TENM2: variants seen among roughly 807,000 people sequenced by gnomAD.
The protein encoded by TENM2 is teneurin-2.
In TENM2, 52 loss-of-function variants were observed where a neutral mutation model predicts 245.2. That is an observed-to-expected ratio of 0.21 (90% CI 0.17 to 0.27). TENM2 has a LOEUF of 0.27. Among genes scored for constraint, TENM2 ranks in the 10% least tolerant of loss-of-function variants. TENM2 has a pLI of 1.00. For synonymous variants in TENM2, 1,363 were observed against 1,438.9 expected (o/e 0.95, Z 1.19); for missense variants, 3,046 against 3,666.8 (o/e 0.83, Z 4.37).
chr5:167,481,276 G>C (rs1767743172), intron 2 of TENM2, among the ~76,000 whole-genome samples: 1 of 152,128 alleles, frequency 6.6e-6, no homozygotes, highest in South Asian at 2.1e-4. Context: ...CCTGCTGCCT[G>C]TTCCTGTACA....
At chr5:167,695,721 T>G (rs1484761820) in intron 2 of TENM2, among the ~76,000 whole-genome samples, 1 of 149,044 alleles carries the variant, frequency 6.7e-6, no homozygotes, top group Non-Finnish European at 1.5e-5. Flanking sequence ...CTTAGAATGG[T>G]GATTTAAAAA....
In TENM2 at chr5:167,431,961, GTATA is replaced by G. The variant is rs112010521; in HGVS notation, c.502+56502_502+56505del. Among the ~76,000 whole-genome samples the G allele has an allele frequency of 3.9e-4, 17 of 43,584 alleles. 1 individual carries two copies. In the South Asian group the frequency reaches 5.6e-3, roughly 14 times the overall value. The allele number at this position is 43,584 out of a possible 152,430, so 28.6% of individuals were successfully genotyped here. ...TATACATATATATGTATATATATAT[GTATA>G]TATATATATATATGGAAGTTCAATG... On this transcript the variant is annotated intron_variant, in intron 2 of 28. Transcript: ENST00000518659.
intron 13 of TENM2, among the ~76,000 whole-genome samples, chr5:168,176,618 T>G (rs1014885924): frequency 1.3e-5 from 2 of 152,228 alleles, no homozygotes; most frequent in Non-Finnish European, 2.9e-5. Context: ...TTCAGAACAC[T>G]GTCACTGTAA....
At chr5:167,269,238 G>C in the TENM2 span, among the ~76,000 whole-genome samples, 1 of 151,992 alleles carries the variant, frequency 6.6e-6, no homozygotes, top group East Asian at 1.9e-4. Flanking sequence ...TGGCTCTAAG[G>C]CCTTTTAAAC....
At chr5:167,952,626 C>T in exon 4 of TENM2, 1 of 1,612,686 alleles carries the variant, frequency 6.2e-7, no homozygotes, top group Non-Finnish European at 8.5e-7. Flanking sequence ...TCTGAGGCCC[C>T]CTCTCCCACC....
At chr5:168,035,527 G>T (rs936818524) in intron 5 of TENM2, among the ~76,000 whole-genome samples, 10 of 151,802 alleles carry the variant, frequency 6.6e-5, no homozygotes, top group Non-Finnish European at 1.3e-4. Flanking sequence ...GTCATAAGTG[G>T]CTTGTGTTTT....
intron 2 of TENM2, among the ~76,000 whole-genome samples, chr5:167,627,362 C>A (rs1383488141): frequency 6.6e-6 from 1 of 152,062 alleles, no homozygotes; most frequent in Non-Finnish European, 1.5e-5. Context: ...GTCCTATTAT[C>A]AATGTAGCTA....
intron 3 of TENM2, among the ~76,000 whole-genome samples, chr5:167,908,269 A>G (rs1430632119): frequency 6.6e-6 from 1 of 151,524 alleles, no homozygotes; most frequent in Non-Finnish European, 1.5e-5. Flanking sequence ...CTTTCAGGAA[A>G]AAGGATCCGA....
upstream of TENM2, among the ~76,000 whole-genome samples, chr5:167,281,328 G>T: frequency 6.6e-6 from 1 of 151,146 alleles, no homozygotes; most frequent in Non-Finnish European, 1.5e-5. Flanking sequence ...TCTTGGCCAG[G>T]CTGGTCTTGA....
chr5:167,964,031 C>T (rs1379366717), intron 4 of TENM2, among the ~76,000 whole-genome samples: 1 of 152,198 alleles, frequency 6.6e-6, no homozygotes, highest in East Asian at 1.9e-4. Flanking sequence ...TCTGTACTGT[C>T]TTTTCTTAAG....
At chr5:167,009,340 T>G in the TENM2 span, among the ~76,000 whole-genome samples, 1 of 152,196 alleles carries the variant, frequency 6.6e-6, no homozygotes, top group African/African-American at 2.4e-5. Flanking sequence ...TCCTTTTTGA[T>G]ACATTCATTA....
intron 8 of TENM2, among the ~76,000 whole-genome samples, chr5:168,097,507 C>T (rs1793464914): frequency 6.6e-6 from 1 of 152,178 alleles, no homozygotes; most frequent in African/African-American, 2.4e-5. Context: ...TCACTGCAAC[C>T]TCTGCCTCCT....
intron 1 of TENM2, among the ~76,000 whole-genome samples, chr5:167,300,113 C>T (rs994782384): frequency 2.6e-5 from 4 of 152,182 alleles, no homozygotes; most frequent in African/African-American, 9.7e-5. Context: ...TCTGACCACA[C>T]TAACCATGCC....
chr5:167,306,158 A>T (rs1488745269), intron 1 of TENM2: 1 of 152,216 alleles, frequency 6.6e-6, no homozygotes, highest in Non-Finnish European at 1.5e-5. Flanking sequence ...CGCTAAAGGC[A>T]GTAGCCTGCT....
At chr5:168,260,161 T>G in intron 27 of TENM2, 122 bp from the exon 30 acceptor site, 26 of 957,484 alleles carry the variant, frequency 2.7e-5, no homozygotes, top group Non-Finnish European at 4.0e-5. Flanking sequence ...CATAAGCTCT[T>G]CCTCCCTCCC....
chr5:167,466,434 G>A lies in TENM2; in HGVS notation c.502+90961G>A, dbSNP rs151109466. On this transcript the variant is annotated intron_variant, in intron 2 of 28. Transcript: ENST00000518659. ...CAGAAAAGTAAATTGAATTAAGGCA[G>A]TCCAAAAATCTACATGTGTCTCAAT... Among the ~76,000 whole-genome samples the A allele has an allele frequency of 3.5e-3, 538 of 152,282 alleles. 5 individuals are homozygous for A. Among genetic ancestry groups the A allele is most frequent in the Non-Finnish European group, 6.1e-3 (418 of 68,028 alleles).
chr5:168,115,400 G>GGAAA (rs1794994887), intron 9 of TENM2, among the ~76,000 whole-genome samples: 1 of 103,704 alleles, frequency 9.6e-6, no homozygotes, highest in Non-Finnish European at 1.9e-5. Flanking sequence ...AAGGAAGGAA[G>GGAAA]GAAGGAAGGG....
chr5:167,245,170 G>T, the TENM2 span, among the ~76,000 whole-genome samples: 1 of 152,062 alleles, frequency 6.6e-6, no homozygotes, highest in African/African-American at 2.4e-5. Flanking sequence ...TTTGAAAACA[G>T]GTTTTAAAAT....
chr5:167,654,691 C>G (rs1197547505), intron 2 of TENM2, among the ~76,000 whole-genome samples: 3 of 151,902 alleles, frequency 2.0e-5, no homozygotes, highest in Non-Finnish European at 4.4e-5. Context: ...ACCTCTAAAT[C>G]CCATTTCCCA....
Sources: allele counts gnomAD v4.1 joint callset (sites outside exome capture counted in the v4.1 genomes callset), GRCh38; gene constraint gnomAD v4.1.1; transcripts MANE v1.5; gene names NCBI Gene and HGNC (gene_info 2026-07-23, HGNC 2026-07-21).